Variants in MAPRE2 observed in about 807,000 individuals in gnomAD.
MAPRE2 encodes microtubule-associated protein RP/EB family member 2.
MAPRE2 carries 13 observed loss-of-function variants against 43.2 expected under a neutral mutation model. The ratio of observed to expected loss-of-function variants is 0.30; its 90% CI spans 0.20 to 0.48. The LOEUF (loss-of-function observed/expected upper bound fraction) is 0.48. Ranked by LOEUF, MAPRE2 falls within the 20% of genes least tolerant of loss-of-function variation. MAPRE2 has a pLI of 0.99. For synonymous variants in MAPRE2, 135 were observed against 148.8 expected (o/e 0.91, Z 0.68); for missense variants, 161 against 400.2 (o/e 0.40, Z 5.10).
intron 2 of MAPRE2, among the ~76,000 whole-genome samples, chr18:35,091,501 A>T (rs920162387): frequency 6.6e-6 from 1 of 152,174 alleles, no homozygotes; most frequent in Admixed American, 6.5e-5. Flanking sequence ...AGCCATCTAT[A>T]GATCCAGTGC....
chr18:35,127,117 G>A (rs1283857535), intron 5 of MAPRE2, 30 bp downstream of exon 5: 7 of 1,613,698 alleles, frequency 4.3e-6, no homozygotes, highest in African/African-American at 1.3e-5. Flanking sequence ...CACGCCTCTA[G>A]GAGCAGTGAC....
At chr18:35,093,927 G>T (rs923699605) in intron 2 of MAPRE2, among the ~76,000 whole-genome samples, 1 of 152,152 alleles carries the variant, frequency 6.6e-6, no homozygotes, top group Admixed American at 6.5e-5. Context: ...TCCCAGGAGT[G>T]TACCCTATTT....
rs115320057 is a variant in MAPRE2 at position 35,108,876 on chromosome 18, C to T, written c.610+6717C>T. On this transcript the variant is annotated intron_variant, in intron 4 of 6. Coordinates refer to ENST00000300249, the MANE Select transcript of MAPRE2 (RefSeq NM_014268.4). Reference sequence around the variant, plus strand: ...TCCGTGTAAATTCTGAATATTAGACCGTTGTCAGATGGGTAGATTGCAAAA... The same window carrying T: ...TCCGTGTAAATTCTGAATATTAGACTGTTGTCAGATGGGTAGATTGCAAAA... Among the ~76,000 whole-genome samples, 1,355 of 152,018 alleles carry T rather than the reference C, an allele frequency of 8.9e-3. 14 individuals are homozygous for T. The highest frequency in any genetic ancestry group is 0.031 in the African/African-American group (1,295 of 41,468).
chr18:34,985,052 T>TAATATATAAAA (rs1491099207), intron 1 of MAPRE2, among the ~76,000 whole-genome samples: 1 of 51,618 alleles, frequency 1.9e-5, no homozygotes, highest in African/African-American at 8.2e-5. Flanking sequence ...ATAAAATATA[T>TAATATATAAAA]TATATAATAT....
chr18:35,074,673 T>A (rs1307288142), intron 2 of MAPRE2, among the ~76,000 whole-genome samples: 1 of 152,202 alleles, frequency 6.6e-6, no homozygotes, highest in Non-Finnish European at 1.5e-5. Flanking sequence ...TCATTCTTGC[T>A]GCTTGGCAGA....
chr18:35,032,964 C>T (rs190412169), intron 2 of MAPRE2, among the ~76,000 whole-genome samples: 59 of 152,166 alleles, frequency 3.9e-4, no homozygotes, highest in South Asian at 1.7e-3. Flanking sequence ...GTTGCAGATA[C>T]GTTAGATACA....
chr18:35,003,077 G>A (rs550811284), intron 1 of MAPRE2, among the ~76,000 whole-genome samples: 2 of 152,138 alleles, frequency 1.3e-5, no homozygotes, highest in Non-Finnish European at 1.5e-5. Context: ...TTTACGTAAA[G>A]TGTGAGACTT....
intron 1 of MAPRE2, among the ~76,000 whole-genome samples, chr18:34,978,713 G>A (rs984067273): frequency 1.3e-5 from 2 of 152,166 alleles, no homozygotes; most frequent in African/African-American, 4.8e-5. Context: ...AAAGACATCA[G>A]TTAGGGGTAA....
At chr18:35,055,728 G>A (rs1238897676) in intron 1 of MAPRE2, among the ~76,000 whole-genome samples, 1 of 152,078 alleles carries the variant, frequency 6.6e-6, no homozygotes, top group Non-Finnish European at 1.5e-5. Context: ...CGAGGTGGGC[G>A]GATCATGAGG....
At chr18:35,005,322 C>T (rs1183563760) in intron 1 of MAPRE2, among the ~76,000 whole-genome samples, 5 of 152,182 alleles carry the variant, frequency 3.3e-5, no homozygotes, top group Admixed American at 6.5e-5. Context: ...CTGACTTAAT[C>T]ACTTTCATAT....
At chr18:35,130,582 G>A (rs1603404110) in intron 5 of MAPRE2, among the ~76,000 whole-genome samples, 2 of 152,044 alleles carry the variant, frequency 1.3e-5, no homozygotes, top group African/African-American at 4.8e-5. Flanking sequence ...GAGAGAGGAG[G>A]AAATTTGCAT....
At chr18:35,139,285 A>G (rs17737238) in intron 6 of MAPRE2, among the ~76,000 whole-genome samples, 6,427 of 152,298 alleles carry the variant, frequency 0.042, 336 homozygotes, top group East Asian at 0.22. Flanking sequence ...CATATGTCCC[A>G]GCACATGCTC....
chr18:35,013,905 A>G (rs1603390107), intron 2 of MAPRE2, among the ~76,000 whole-genome samples: 6 of 152,024 alleles, frequency 3.9e-5, no homozygotes, highest in Admixed American at 3.9e-4. Flanking sequence ...TTCTTTATTC[A>G]TTCATCTGTT....
rs752260090 is a variant in MAPRE2 at position 35,041,490 on chromosome 18, C to T, written c.-50C>T. 8.1e-6 allele frequency: 13 copies of T among 1,613,480 alleles called. No homozygotes were observed. The highest frequency in any genetic ancestry group is 9.3e-6 in the Non-Finnish European group (11 of 1,179,740). ...GCGAGCGGGAAGACGCAGCCACCTT[C>T]CTCACCAGCCAGCCCACAGCGGTTT... is the stretch of plus-strand genomic sequence containing the variant. On this transcript the variant is annotated 5_prime_UTR_variant, in exon 1 of 7. Coordinates refer to ENST00000300249, the MANE Select transcript of MAPRE2 (RefSeq NM_014268.4).
At chr18:35,012,021 T>C (rs1270945951) in intron 2 of MAPRE2, among the ~76,000 whole-genome samples, 1 of 152,114 alleles carries the variant, frequency 6.6e-6, no homozygotes, top group Admixed American at 6.5e-5. Flanking sequence ...CCTAAAGATC[T>C]TGGGGTTCAG....
Position 34,978,346 on chromosome 18 carries a change from G to T in MAPRE2, c.-70+1267G>T, listed in dbSNP as rs1036078706. The T allele has an allele frequency of 9.0e-5, 61 of 680,690 alleles. No individual in the cohort carries two copies. In the African/African-American group the frequency reaches 1.0e-3, roughly 11 times the overall value. The allele number at this position is 680,690 out of a possible 1,614,324, so 42.2% of individuals were successfully genotyped here. On this transcript the variant is annotated intron_variant, in intron 1 of 7. Transcript: ENST00000413393. Reference sequence around the variant, plus strand: ...ACCCGCGCCCGCGCGCACCGAAACGGAAGAACTTCCTTGATTAGCATAGTA... The same window carrying T: ...ACCCGCGCCCGCGCGCACCGAAACGTAAGAACTTCCTTGATTAGCATAGTA...
At chr18:35,039,092 A>G (rs1049972113), upstream of MAPRE2, among the ~76,000 whole-genome samples, 1 of 152,250 alleles carries the variant, frequency 6.6e-6, no homozygotes, top group African/African-American at 2.4e-5. Flanking sequence ...AGTCCCCACA[A>G]TGACACAAAT....
At chr18:35,097,334 T>C in intron 2 of MAPRE2, 112 bp from the exon 3 acceptor site, 1 of 919,682 alleles carries the variant, frequency 1.1e-6, no homozygotes, top group Non-Finnish European at 1.7e-6. Context: ...GGACACACTC[T>C]GCTCTGAGTG....
At chr18:35,066,540 G>GA (rs1202478176) in intron 1 of MAPRE2, among the ~76,000 whole-genome samples, 2 of 152,144 alleles carry the variant, frequency 1.3e-5, no homozygotes, top group East Asian at 1.9e-4. Context: ...TTAACATTTG[G>GA]AAAAAATATA....
Sources: allele counts gnomAD v4.1 joint callset (sites outside exome capture counted in the v4.1 genomes callset), GRCh38; gene constraint gnomAD v4.1.1; transcripts MANE v1.5; gene names NCBI Gene and HGNC (gene_info 2026-07-23, HGNC 2026-07-21).